Variants in VPS13B observed in about 807,000 individuals in gnomAD.
VPS13B encodes vacuolar protein sorting 13 homolog B, also known as intermembrane lipid transfer protein VPS13B.
Under a neutral mutation model 426.4 loss-of-function variants are expected in VPS13B, and 285 were observed. The observed-to-expected ratio is 0.67, with a 90% CI of 0.61 to 0.74. VPS13B has a LOEUF of 0.74. Ranked by LOEUF, VPS13B falls within the 30% of genes least tolerant of loss-of-function variation. VPS13B has a pLI of 0.00. For missense variants in VPS13B, 4,537 were observed against 4,782.6 expected, an observed-to-expected ratio of 0.95 and a Z score of 1.51; for synonymous variants, 1,676 against 1,676.4, an observed-to-expected ratio of 1.00 and a Z score of 0.01.
At chr8:99,582,974 A>G (rs914685671) in intron 33 of VPS13B, among the ~76,000 whole-genome samples, 12 of 151,964 alleles carry the variant, frequency 7.9e-5, no homozygotes, top group African/African-American at 2.2e-4. Context: ...TACATTTTCT[A>G]TTTACTCAGT....
intron 43 of VPS13B, among the ~76,000 whole-genome samples, chr8:99,807,421 ATT>A (rs35086154): frequency 7.5e-5 from 11 of 145,782 alleles, no homozygotes; most frequent in Non-Finnish European, 9.1e-5. Flanking sequence ...TTGCCTCATT[ATT>A]TTTTTTTTTT....
At chr8:99,083,474 C>T (rs1469110784) in intron 3 of VPS13B, among the ~76,000 whole-genome samples, 2 of 151,138 alleles carry the variant, frequency 1.3e-5, no homozygotes, top group Non-Finnish European at 2.9e-5. Context: ...ATTGCCCTGG[C>T]CAGAACTTCC....
rs75255318 is a variant in VPS13B at position 99,868,512 on chromosome 8, T to G, written c.11392+47T>G. The G allele has an allele frequency of 4.5e-6, 7 of 1,565,018 alleles. No individual in the cohort carries two copies. In the African/African-American group the frequency reaches 9.5e-5, roughly 21 times the overall value. ...CAGGCCAACCCAGACGTTACTGATT[T>G]GCATGCTTATACCAAGGGTTCCCTA... On this transcript the variant is annotated intron_variant, in intron 59 of 61. Coordinates refer to ENST00000357162, the MANE Select transcript of VPS13B (RefSeq NM_152564.5).
intron 39 of VPS13B, among the ~76,000 whole-genome samples, chr8:99,724,796 T>A (rs1027159289): frequency 1.3e-5 from 2 of 152,180 alleles, no homozygotes; most frequent in Non-Finnish European, 2.9e-5. Context: ...CCTGTCCTTC[T>A]AAGTTTTTAG....
chr8:99,533,095 A>T (rs1222188901), intron 30 of VPS13B, among the ~76,000 whole-genome samples: 1 of 151,736 alleles, frequency 6.6e-6, no homozygotes, highest in East Asian at 2.0e-4. Flanking sequence ...ACGCACAACC[A>T]CGCCGGCTAA....
intron 21 of VPS13B, among the ~76,000 whole-genome samples, chr8:99,419,270 C>T (rs1289480661): frequency 6.6e-6 from 1 of 152,164 alleles, no homozygotes; most frequent in African/African-American, 2.4e-5. Context: ...TCCCCTTCAC[C>T]TTCCACCATG....
intron 3 of VPS13B, among the ~76,000 whole-genome samples, chr8:99,087,173 A>AGCC (rs1845864249): frequency 6.6e-6 from 1 of 151,856 alleles, no homozygotes; most frequent in African/African-American, 2.4e-5. Context: ...CCCCTCCCCC[A>AGCC]GCCTCGCTGC....
chr8:99,743,051 C>T (rs1328415270), intron 39 of VPS13B, among the ~76,000 whole-genome samples: 14 of 152,076 alleles, frequency 9.2e-5, no homozygotes, highest in Middle Eastern at 3.2e-3. Context: ...TGTTTGCAGG[C>T]GACATGATTG....
intron 2 of VPS13B, among the ~76,000 whole-genome samples, chr8:99,018,654 A>AGAATAGAC: frequency 6.6e-6 from 1 of 152,204 alleles, no homozygotes; most frequent in Non-Finnish European, 1.5e-5. Flanking sequence ...AGAGGTCATG[A>AGAATAGAC]GAATAGACAT....
rs770693216 is a variant in VPS13B at position 99,875,602 on chromosome 8, C to T, written c.11930C>T (p.Ala3977Val). ...CATTACCTGGTTGATCCACATTTTG[C>T]TCAGGTCTTCCTTAGTAAATTTACC... ...TYHYLVDPHF[A>V]QVFLSKFTMV... Residue 3977 changes from alanine to valine, a missense_variant, in exon 62 of 62, where the codon GCT becomes GTT. Around this residue, in one of 2 missense-constraint regions of VPS13B, gnomAD observed 4,311 missense variants for 4,474.3 expected, o/e 0.96. Coordinates refer to ENST00000357162, the MANE Select transcript of VPS13B (RefSeq NM_152564.5). 8.1e-6 allele frequency: 13 copies of T among 1,614,100 alleles called. No individual in the cohort carries two copies. Among genetic ancestry groups the T allele is most frequent in the African/African-American group, 2.7e-5 (2 of 74,936 alleles).
chr8:99,319,456 A>G (rs1339131719), intron 19 of VPS13B, among the ~76,000 whole-genome samples: 1 of 152,202 alleles, frequency 6.6e-6, no homozygotes, highest in African/African-American at 2.4e-5. Context: ...TCAAGTAATT[A>G]TCTACAGGTT....
At chr8:99,462,379 C>A (rs1196424637) in intron 23 of VPS13B, among the ~76,000 whole-genome samples, 1 of 151,692 alleles carries the variant, frequency 6.6e-6, no homozygotes, top group Non-Finnish European at 1.5e-5. Flanking sequence ...TGGTTGATTC[C>A]TTCTTAAATA....
chr8:99,105,645 C>G (rs2132463524), intron 5 of VPS13B, among the ~76,000 whole-genome samples: 1 of 152,260 alleles, frequency 6.6e-6, no homozygotes, highest in South Asian at 2.1e-4. Flanking sequence ...TCCTAGAATG[C>G]TGGGATTACA....
intron 20 of VPS13B, among the ~76,000 whole-genome samples, chr8:99,391,329 C>G (rs1011180866): frequency 1.3e-5 from 2 of 150,286 alleles, no homozygotes; most frequent in Non-Finnish European, 3.0e-5. Flanking sequence ...AAGCATTGCT[C>G]TGTGTGTGCA....
intron 3 of VPS13B, among the ~76,000 whole-genome samples, chr8:99,061,931 A>AT (rs779310782): frequency 1.3e-5 from 2 of 152,172 alleles, no homozygotes; most frequent in East Asian, 1.9e-4. Flanking sequence ...CCCACACTGG[A>AT]TTTTAAGGAG....
At chr8:99,390,371 G>A (rs1425590688) in intron 20 of VPS13B, among the ~76,000 whole-genome samples, 1 of 152,056 alleles carries the variant, frequency 6.6e-6, no homozygotes. Context: ...CCAAGTGCTG[G>A]GATTACAGGC....
chr8:99,372,919 G>A (rs751598468), intron 19 of VPS13B, among the ~76,000 whole-genome samples: 10 of 152,120 alleles, frequency 6.6e-5, no homozygotes, highest in Non-Finnish European at 1.3e-4. Context: ...CCATCCAAAT[G>A]CCCATCAGTG....
At chr8:99,164,140 G>A (rs1811855081) in intron 15 of VPS13B, among the ~76,000 whole-genome samples, 1 of 152,180 alleles carries the variant, frequency 6.6e-6, no homozygotes, top group African/African-American at 2.4e-5. Flanking sequence ...CCGGGTAGAA[G>A]TTGTTAGTTG....
intron 33 of VPS13B, among the ~76,000 whole-genome samples, chr8:99,593,231 C>T (rs1826786586): frequency 1.3e-5 from 2 of 151,706 alleles, no homozygotes; most frequent in South Asian, 4.1e-4. Context: ...AAAAACAACC[C>T]CATTAAAAAG....
Sources: allele counts gnomAD v4.1 joint callset (sites outside exome capture counted in the v4.1 genomes callset), GRCh38; gene constraint gnomAD v4.1.1; regional missense constraint gnomAD v4.1.1; transcripts MANE v1.5; gene names NCBI Gene and HGNC (gene_info 2026-07-23, HGNC 2026-07-21).